ABCB7: variants seen among roughly 807,000 people sequenced by gnomAD.
ABCB7 encodes the protein iron-sulfur clusters transporter ABCB7, mitochondrial.
Under a neutral mutation model 54.4 loss-of-function variants are expected in ABCB7, and 7 were observed. That is an observed-to-expected ratio of 0.13 (90% CI 0.07 to 0.24). ABCB7 has a LOEUF of 0.24. Among genes scored for constraint, ABCB7 ranks in the 10% least tolerant of loss-of-function variants. The pLI, the probability that ABCB7 is intolerant of heterozygous loss-of-function variation, is 1.00. For missense variants in ABCB7, 356 were observed against 570.4 expected, an observed-to-expected ratio of 0.62 and a Z score of 3.83; for synonymous variants, 218 against 207.1, an observed-to-expected ratio of 1.05 and a Z score of -0.45.
In ABCB7 at chrX:75,094,201, T is replaced by C. The variant is rs780106751; in HGVS notation, c.453+4741A>G. ...CTTGAAATTATTATAATTGTAAAGA[T>C]AGCTTATTTTTGCACTTGATACTTT... On this transcript the variant is annotated intron_variant, in intron 4 of 15. Coordinates refer to ENST00000373394, the MANE Select transcript of ABCB7 (RefSeq NM_001271696.3). Among the ~76,000 whole-genome samples, 23 of 109,276 alleles carry C rather than the reference T, an allele frequency of 2.1e-4. 1 individual carries two copies. The South Asian group carries it at 5.9e-3, about 28-fold the overall frequency. The allele number at this position is 109,276 out of a possible 115,157, so 94.9% of individuals were successfully genotyped here.
At chrX:75,097,592 T>C in intron 4 of ABCB7, 1 of 110,926 alleles carries the variant, frequency 9.0e-6, no homozygotes. Flanking sequence ...ATTTTTAGGG[T>C]AGGGAAAAGA....
chrX:75,121,748 T>G (rs749102348), intron 1 of ABCB7, among the ~76,000 whole-genome samples: 1 of 112,602 alleles, frequency 8.9e-6, no homozygotes, highest in African/African-American at 3.2e-5. Context: ...TGGAATATAT[T>G]GTTGTACTCT....
At chrX:75,126,252 A>G (rs188440730) in intron 1 of ABCB7, among the ~76,000 whole-genome samples, 39 of 112,291 alleles carry the variant, frequency 3.5e-4, no homozygotes, top group African/African-American at 1.1e-3. Context: ...TGTACACAAC[A>G]AAATTTTAAA....
intron 12 of ABCB7, among the ~76,000 whole-genome samples, chrX:75,067,867 T>G (rs2081333586): frequency 9.0e-6 from 1 of 111,328 alleles, no homozygotes; most frequent in South Asian, 3.9e-4. Context: ...GGCAGTTTTC[T>G]GGGCCCACAT....
intron 1 of ABCB7, among the ~76,000 whole-genome samples, chrX:75,128,991 G>A (rs915204350): frequency 8.9e-6 from 1 of 111,937 alleles, no homozygotes; most frequent in African/African-American, 3.3e-5. Flanking sequence ...CTTTTACACT[G>A]TTGGTGGGAG....
rs186160058 is a variant in ABCB7 at position 75,141,815 on chromosome X, T to G, written c.168+14290A>C. Among the ~76,000 whole-genome samples, 15 of 111,103 alleles carry G rather than the reference T, an allele frequency of 1.4e-4. 1 individual carries two copies. The highest frequency in any genetic ancestry group is 1.1e-3 in the Admixed American group (11 of 10,411). ...TTTCAGGGCCAGTGCAGGGAAAATA[T>G]AAGATGAACCTGGAGCATTGTGTGA... is the stretch of plus-strand genomic sequence containing the variant. On this transcript the variant is annotated intron_variant, in intron 1 of 15. Transcript: ENST00000373394.
intron 15 of ABCB7, 126 bp from the exon 16 acceptor site, chrX:75,053,711 T>G: frequency 9.5e-7 from 1 of 1,048,934 alleles, no homozygotes; most frequent in Non-Finnish European, 1.3e-6. Context: ...TTCTCCCAAT[T>G]CCTCATACAC....
intron 15 of ABCB7, among the ~76,000 whole-genome samples, chrX:75,053,792 A>G (rs1020015305): frequency 1.8e-5 from 2 of 112,012 alleles, no homozygotes; most frequent in African/African-American, 3.2e-5. Context: ...AGAACAAACA[A>G]AAGGCTATAA....
intron 15 of ABCB7, among the ~76,000 whole-genome samples, chrX:75,057,870 A>C (rs754570925): frequency 9.0e-6 from 1 of 110,939 alleles, no homozygotes; most frequent in Non-Finnish European, 1.9e-5. Flanking sequence ...ACTGGTTGGC[A>C]AAGTTCTTGG....
chrX:75,106,232 G>A (rs1264761602), intron 3 of ABCB7, among the ~76,000 whole-genome samples: 1 of 110,734 alleles, frequency 9.0e-6, no homozygotes. Flanking sequence ...TAATATCCAG[G>A]ATCTAAAAGG....
chrX:75,103,469 G>A (rs2081656152), intron 3 of ABCB7, among the ~76,000 whole-genome samples: 1 of 110,686 alleles, frequency 9.0e-6, no homozygotes, highest in Admixed American at 9.6e-5. Flanking sequence ...TGCTCTGTTG[G>A]TCTATGTATG....
At chrX:75,153,749 T>C (rs10482117) in intron 1 of ABCB7, among the ~76,000 whole-genome samples, 5 of 23,250 alleles carry the variant, frequency 2.2e-4, no homozygotes, top group Non-Finnish European at 5.3e-4. Context: ...TGTGTGTGCG[T>C]GTGTGTGTGT....
chrX:75,062,275 T>A, intron 14 of ABCB7, 53 bp downstream of exon 14: 2 of 1,075,986 alleles, frequency 1.9e-6, no homozygotes, highest in South Asian at 3.8e-5. Flanking sequence ...TACTGAAACT[T>A]CCAAGTAGAA....
intron 15 of ABCB7, among the ~76,000 whole-genome samples, chrX:75,054,689 T>G (rs1423630099): frequency 9.0e-6 from 1 of 110,666 alleles, no homozygotes; most frequent in Non-Finnish European, 1.9e-5. Flanking sequence ...ATCAACTACA[T>G]TAAGTAATCT....
chrX:75,127,216 A>C (rs1317459955), intron 1 of ABCB7, among the ~76,000 whole-genome samples: 1 of 111,567 alleles, frequency 9.0e-6, no homozygotes, highest in Non-Finnish European at 1.9e-5. Flanking sequence ...CACCACAATC[A>C]AGTTGGCTTC....
intron 14 of ABCB7, among the ~76,000 whole-genome samples, chrX:75,061,846 A>T (rs1270454461): frequency 1.8e-5 from 2 of 112,482 alleles, no homozygotes; most frequent in Non-Finnish European, 3.8e-5. Flanking sequence ...ATGAATACAA[A>T]TTGATACCAG....
chrX:75,064,830 T>G (rs1483963874), intron 13 of ABCB7, among the ~76,000 whole-genome samples: 2 of 104,960 alleles, frequency 1.9e-5, no homozygotes, highest in African/African-American at 7.4e-5. Flanking sequence ...TTACTTAATA[T>G]CAAACACCTA....
intron 1 of ABCB7, among the ~76,000 whole-genome samples, chrX:75,123,302 T>C (rs2081896779): frequency 8.9e-6 from 1 of 112,244 alleles, no homozygotes; most frequent in East Asian, 2.8e-4. Flanking sequence ...TTCCACATTT[T>C]GTACTTTTGG....
At chrX:75,079,462 T>A (rs926189222) in intron 4 of ABCB7, among the ~76,000 whole-genome samples, 20 of 111,654 alleles carry the variant, frequency 1.8e-4, no homozygotes, top group African/African-American at 6.2e-4. Context: ...GAACTAGATT[T>A]AAACCATTCC....
Sources: gnomAD v4.1 joint callset for allele counts (sites outside exome capture counted in the v4.1 genomes callset) on GRCh38, gnomAD v4.1.1 for gene constraint, MANE v1.5 for transcripts, NCBI Gene and HGNC (gene_info 2026-07-23, HGNC 2026-07-21) for gene names.